Variants in KHDRBS2 observed in about 807,000 individuals in gnomAD.
KHDRBS2 encodes KH RNA binding domain containing, signal transduction associated 2.
Under a neutral mutation model 44.3 loss-of-function variants are expected in KHDRBS2, and 26 were observed. That is an observed-to-expected ratio of 0.59 (90% confidence interval 0.43 to 0.81). The LOEUF (loss-of-function observed/expected upper bound fraction) is 0.81, where lower values mean the gene tolerates loss of function less well. Ranked by LOEUF, KHDRBS2 falls within the 40% of genes least tolerant of loss-of-function variation. The probability of loss-of-function intolerance (pLI) is 0.00; values close to 1 mark genes in which losing one functional copy is unlikely to be tolerated. For missense variants in KHDRBS2, 476 were observed against 433.1 expected, an observed-to-expected ratio of 1.10 and a Z score of -0.88; for synonymous variants, 194 against 151.1, an observed-to-expected ratio of 1.28 and a Z score of -2.08.
In KHDRBS2 at chr6:62,105,131, TTTAG is replaced by T. The variant is rs371032582; in HGVS notation, c.220-57141_220-57138del. Among the ~76,000 whole-genome samples the T allele has an allele frequency of 2.3e-3, 347 of 152,166 alleles. 1 individual carries two copies. Among genetic ancestry groups the T allele is most frequent in the African/African-American group, 7.6e-3 (317 of 41,534 alleles). On this transcript the variant is annotated intron_variant, in intron 2 of 8. Transcript: ENST00000281156. ...TCCTATATCATTAAAAAAATGAGCTTTTAGTTAAACATTTTCTCAAAAAATAAGT... is the reference window on the plus strand; with the variant it reads ...TCCTATATCATTAAAAAAATGAGCTTTTAAACATTTTCTCAAAAAATAAGT...
chr6:61,933,421 CAT>C (rs1228336890), intron 4 of KHDRBS2, among the ~76,000 whole-genome samples: 1 of 152,170 alleles, frequency 6.6e-6, no homozygotes, highest in Admixed American at 6.5e-5. Flanking sequence ...CTGCAAAAAA[CAT>C]AGGAGTGCAG....
At chr6:62,243,189 C>G (rs529860199) in intron 1 of KHDRBS2, among the ~76,000 whole-genome samples, 3 of 151,808 alleles carry the variant, frequency 2.0e-5, no homozygotes, top group Non-Finnish European at 4.4e-5. Context: ...ATATATATAT[C>G]TATATATCAT....
chr6:62,212,559 A>G (rs898209614), intron 1 of KHDRBS2, among the ~76,000 whole-genome samples: 1 of 152,186 alleles, frequency 6.6e-6, no homozygotes, highest in Non-Finnish European at 1.5e-5. Flanking sequence ...GCCATATTGG[A>G]ATAGGGTGGA....
In KHDRBS2 at chr6:62,285,882, G is replaced by A; in HGVS notation, c.67C>T (p.His23Tyr). 6.2e-7 allele frequency: 1 copy of A among 1,613,180 alleles called. No individual in the cohort carries two copies. Among genetic ancestry groups the A allele is most frequent in the Non-Finnish European group, 8.5e-7 (1 of 1,179,606 alleles). Residue 23 changes from histidine to tyrosine, a missense_variant, in exon 1 of 9, where the codon CAT becomes TAT. By Grantham distance (83) the His-to-Tyr change is moderately conservative. Transcript: ENST00000281156. ...CCTTCTGCCAAAAGGCGCGACGCAT[G>A]CACAAAAGATGGATCCAGGCTATCT... The part of the protein sequence containing the change: ...EKDSLDPSFV[H>Y]ASRLLAEEIE...
intron 7 of KHDRBS2, among the ~76,000 whole-genome samples, chr6:61,730,437 A>G (rs1000885482): frequency 6.6e-6 from 1 of 152,214 alleles, no homozygotes; most frequent in South Asian, 2.1e-4. Context: ...CCCATGAAAG[A>G]CTTTGTACCT....
At chr6:61,554,804 A>T in the KHDRBS2 span, among the ~76,000 whole-genome samples, 5 of 152,192 alleles carry the variant, frequency 3.3e-5, no homozygotes, top group African/African-American at 1.2e-4. Flanking sequence ...TTGGTCAGAA[A>T]TTCTTCTCTT....
intron 2 of KHDRBS2, among the ~76,000 whole-genome samples, chr6:62,085,974 G>A (rs1412811714): frequency 6.6e-6 from 1 of 152,086 alleles, no homozygotes; most frequent in East Asian, 1.9e-4. Flanking sequence ...GTGGCTGAAG[G>A]GCTTCTGAAG....
At chr6:61,958,906 C>A (rs1420717464) in intron 4 of KHDRBS2, among the ~76,000 whole-genome samples, 2 of 152,142 alleles carry the variant, frequency 1.3e-5, no homozygotes, top group African/African-American at 4.8e-5. Flanking sequence ...CTGAGTCAAT[C>A]CAAATCTCTG....
intron 2 of KHDRBS2, among the ~76,000 whole-genome samples, chr6:62,119,987 T>C (rs1807218586): frequency 6.6e-6 from 1 of 152,122 alleles, no homozygotes; most frequent in Middle Eastern, 3.2e-3. Context: ...TTTTCTAATT[T>C]ATATAAGCAG....
chr6:61,602,636 A>G, the KHDRBS2 span, among the ~76,000 whole-genome samples: 1 of 152,038 alleles, frequency 6.6e-6, no homozygotes, highest in Non-Finnish European at 1.5e-5. Flanking sequence ...GCTTCAGGTA[A>G]CTCTCACAGT....
intron 3 of KHDRBS2, among the ~76,000 whole-genome samples, chr6:62,046,444 A>G (rs1787711858): frequency 6.6e-6 from 1 of 152,018 alleles, no homozygotes; most frequent in Non-Finnish European, 1.5e-5. Context: ...AAGAGTACTT[A>G]GCCTATTATA....
chr6:61,554,330 G>GTT, the KHDRBS2 span, among the ~76,000 whole-genome samples: 5 of 148,760 alleles, frequency 3.4e-5, no homozygotes, highest in East Asian at 2.0e-4. Context: ...AGCAACCCCT[G>GTT]TTTTTTTTTC....
At position 62,060,591 on chromosome 6, in the gene KHDRBS2, G is replaced by GTC. The variant is rs142998625; in HGVS notation, c.220-12599_220-12598dup. On this transcript the variant is annotated intron_variant, in intron 2 of 8. Transcript: ENST00000281156. Reference sequence around the variant, plus strand: ...AACATTATAAAATGAAATAGTAAAGGTCTCTCTCTCTCTCTCTGTCTCTCT... The same window carrying GTC: ...AACATTATAAAATGAAATAGTAAAGGTCTCTCTCTCTCTCTCTCTGTCTCTCT... 3.3e-3 allele frequency among the ~76,000 whole-genome samples: 479 copies of GTC among 145,828 alleles called. 5 individuals carry two copies. Among genetic ancestry groups the GTC allele is most frequent in the Admixed American group, 0.022 (318 of 14,486 alleles).
chr6:61,753,820 G>A (rs1778096303), intron 6 of KHDRBS2, among the ~76,000 whole-genome samples: 1 of 152,038 alleles, frequency 6.6e-6, no homozygotes. Flanking sequence ...GGTTTTTGCA[G>A]GTATAATTGA....
chr6:61,900,500 A>G (rs1367636740), intron 5 of KHDRBS2, among the ~76,000 whole-genome samples: 1 of 152,166 alleles, frequency 6.6e-6, no homozygotes, highest in Non-Finnish European at 1.5e-5. Context: ...TTTTCAAACC[A>G]ATGCCTTCTA....
intron 2 of KHDRBS2, among the ~76,000 whole-genome samples, chr6:62,067,619 T>A (rs1794051959): frequency 6.6e-6 from 1 of 151,574 alleles, no homozygotes; most frequent in Admixed American, 6.6e-5. Flanking sequence ...TCATTAAAAG[T>A]GTACAATTCA....
chr6:61,835,989 A>C (rs1583078932), intron 6 of KHDRBS2, among the ~76,000 whole-genome samples: 1 of 152,098 alleles, frequency 6.6e-6, no homozygotes, highest in East Asian at 1.9e-4. Context: ...GAACAGCTTA[A>C]TACACCGTCT....
At chr6:61,591,979 A>G in the KHDRBS2 span, among the ~76,000 whole-genome samples, 1 of 152,108 alleles carries the variant, frequency 6.6e-6, no homozygotes, top group East Asian at 1.9e-4. Context: ...ATGTGAGCCA[A>G]GAAATTCAAG....
At chr6:61,646,009 G>T in the KHDRBS2 span, among the ~76,000 whole-genome samples, 1 of 152,084 alleles carries the variant, frequency 6.6e-6, no homozygotes, top group Non-Finnish European at 1.5e-5. Flanking sequence ...TTGTATAACT[G>T]TGGCAAGTTA....
Sources: allele counts gnomAD v4.1 joint callset (sites outside exome capture counted in the v4.1 genomes callset), GRCh38; gene constraint gnomAD v4.1.1; transcripts MANE v1.5; gene names NCBI Gene and HGNC (gene_info 2026-07-23, HGNC 2026-07-21).